BICC1: variants seen among roughly 807,000 people sequenced by gnomAD.
The protein encoded by BICC1 is protein bicaudal C homolog 1.
Under a neutral mutation model 111.0 loss-of-function variants are expected in BICC1, and 43 were observed. The observed-to-expected ratio is 0.39, with a 90% CI of 0.30 to 0.50. The LOEUF (loss-of-function observed/expected upper bound fraction) is 0.50. BICC1 is among the 20% of genes least tolerant of loss of function. The pLI is 0.88. For synonymous variants in BICC1, 467 were observed against 434.4 expected (o/e 1.07, Z -0.93); for missense variants, 1,091 against 1,203.2 (o/e 0.91, Z 1.38).
chr10:58,794,542 C>T (rs1843290396), intron 9 of BICC1, among the ~76,000 whole-genome samples: 1 of 151,944 alleles, frequency 6.6e-6, no homozygotes, highest in African/African-American at 2.4e-5. Flanking sequence ...CCTCAGCCTC[C>T]CGAGTAGCTG....
At chr10:58,688,877 TGG>T (rs1437182350) in intron 2 of BICC1, among the ~76,000 whole-genome samples, 2 of 151,694 alleles carry the variant, frequency 1.3e-5, no homozygotes, top group South Asian at 4.2e-4. Flanking sequence ...TGGGGCCTGT[TGG>T]GGAGTGGGGG....
At chr10:58,697,809 C>G (rs374215314) in intron 2 of BICC1, among the ~76,000 whole-genome samples, 3 of 152,068 alleles carry the variant, frequency 2.0e-5, no homozygotes, top group Admixed American at 6.5e-5. Flanking sequence ...ACCCACACCC[C>G]CTGCAGGAGA....
At chr10:58,698,307 A>AG (rs940272448) in intron 2 of BICC1, among the ~76,000 whole-genome samples, 1 of 152,116 alleles carries the variant, frequency 6.6e-6, no homozygotes, top group Non-Finnish European at 1.5e-5. Context: ...TGAGCCTTGA[A>AG]GCCCTTCGGC....
intron 2 of BICC1, among the ~76,000 whole-genome samples, chr10:58,682,405 A>G (rs1056128862): frequency 8.5e-5 from 13 of 152,158 alleles, no homozygotes; most frequent in Admixed American, 7.2e-4. Context: ...GCTGGGTCAG[A>G]TGGTATTTCT....
chr10:58,623,644 A>T (rs1845896481), intron 2 of BICC1, among the ~76,000 whole-genome samples: 1 of 152,208 alleles, frequency 6.6e-6, no homozygotes, highest in Non-Finnish European at 1.5e-5. Context: ...GCTGTCATTC[A>T]GTGACCCAGG....
At chr10:58,824,221 C>A in intron 20 of BICC1, 1 of 421,562 alleles carries the variant, frequency 2.4e-6, no homozygotes, top group Non-Finnish European at 3.2e-6. Flanking sequence ...TGAGGTTTCA[C>A]CTCTGTCACT....
At chr10:58,755,889 T>G (rs1426644569) in intron 3 of BICC1, among the ~76,000 whole-genome samples, 1 of 152,154 alleles carries the variant, frequency 6.6e-6, no homozygotes, top group Non-Finnish European at 1.5e-5. Flanking sequence ...TACTTAGTGA[T>G]TAGTCACCTC....
At chr10:58,544,424 T>C (rs1589082309) in intron 1 of BICC1, among the ~76,000 whole-genome samples, 1 of 152,190 alleles carries the variant, frequency 6.6e-6, no homozygotes, top group Non-Finnish European at 1.5e-5. Context: ...AAATTATTGC[T>C]GGCTTGAACA....
At chr10:58,563,688 T>A (rs1843674480) in intron 1 of BICC1, among the ~76,000 whole-genome samples, 1 of 152,232 alleles carries the variant, frequency 6.6e-6, no homozygotes, top group African/African-American at 2.4e-5. Flanking sequence ...TGTTCTTTGC[T>A]TTTGACTACA....
intron 2 of BICC1, among the ~76,000 whole-genome samples, chr10:58,626,529 G>A (rs1017275032): frequency 6.6e-6 from 1 of 152,092 alleles, no homozygotes; most frequent in Non-Finnish European, 1.5e-5. Context: ...GTAAATCAGG[G>A]TTAGTGAGAA....
At chr10:58,710,504 G>A (rs1233339956) in intron 3 of BICC1, among the ~76,000 whole-genome samples, 8 of 152,106 alleles carry the variant, frequency 5.3e-5, no homozygotes, top group Non-Finnish European at 2.9e-5. Context: ...TCTTTTTTCA[G>A]GGGAAATTAG....
intron 2 of BICC1, among the ~76,000 whole-genome samples, chr10:58,645,158 C>T (rs1838228054): frequency 6.6e-6 from 1 of 151,706 alleles, no homozygotes; most frequent in Admixed American, 6.6e-5. Flanking sequence ...GCCTGTAATC[C>T]CAGCACTTTG....
chr10:58,732,998 G>A (rs192343658), intron 3 of BICC1, among the ~76,000 whole-genome samples: 4 of 141,858 alleles, frequency 2.8e-5, no homozygotes, highest in African/African-American at 1.1e-4. Context: ...CTTGATGCAC[G>A]ATTTCCACAA....
chr10:58,772,850 G>GT (rs1326563212), intron 3 of BICC1, among the ~76,000 whole-genome samples: 1 of 152,120 alleles, frequency 6.6e-6, no homozygotes, highest in Non-Finnish European at 1.5e-5. Context: ...TTAAAGCAAT[G>GT]TTTTTTGAGA....
chr10:58,789,612 C>T, intron 7 of BICC1, 70 bp from the exon 8 acceptor site: 1 of 1,567,824 alleles, frequency 6.4e-7, no homozygotes, highest in South Asian at 1.2e-5. Context: ...GTTAGAAATG[C>T]AATAGAATCT....
intron 1 of BICC1, among the ~76,000 whole-genome samples, chr10:58,518,714 A>G (rs575134150): frequency 6.6e-6 from 1 of 152,156 alleles, no homozygotes; most frequent in East Asian, 1.9e-4. Context: ...TTTATAGATT[A>G]AGTGAAAAAA....
intron 3 of BICC1, among the ~76,000 whole-genome samples, chr10:58,730,643 C>T (rs1841259797): frequency 6.6e-6 from 1 of 152,004 alleles, no homozygotes; most frequent in Non-Finnish European, 1.5e-5. Flanking sequence ...CATATATCCT[C>T]TAAAATCTAG....
At chr10:58,809,520 G>C (rs983173195) in intron 17 of BICC1, among the ~76,000 whole-genome samples, 4 of 152,136 alleles carry the variant, frequency 2.6e-5, no homozygotes, top group African/African-American at 9.7e-5. Context: ...GATTACAGGA[G>C]TGAGCTACCA....
intron 3 of BICC1, among the ~76,000 whole-genome samples, chr10:58,770,823 A>ATTTG (rs567753942): frequency 2.5e-3 from 376 of 152,330 alleles, no homozygotes; most frequent in Non-Finnish European, 4.3e-3. Context: ...TCTTAGGCAG[A>ATTTG]TTTGACAGAG....
Sources: gnomAD v4.1 joint callset for allele counts (sites outside exome capture counted in the v4.1 genomes callset) on GRCh38, gnomAD v4.1.1 for gene constraint, MANE v1.5 for transcripts, NCBI Gene and HGNC (gene_info 2026-07-23, HGNC 2026-07-21) for gene names.